UNC13C: variants seen among roughly 807,000 people sequenced by gnomAD.
UNC13C encodes the protein protein unc-13 homolog C.
UNC13C carries 174 observed loss-of-function variants against 245.4 expected under a neutral mutation model. The observed-to-expected ratio is 0.71, with a 90% CI of 0.63 to 0.80. UNC13C has a LOEUF of 0.80. Ranked by LOEUF, UNC13C falls within the 30% of genes least tolerant of loss-of-function variation. The pLI, the probability that UNC13C is intolerant of heterozygous loss-of-function variation, is 0.00. For missense variants in UNC13C, 2,829 were observed against 2,602.9 expected, an observed-to-expected ratio of 1.09 and a Z score of -1.89; for synonymous variants, 992 against 895.1, an observed-to-expected ratio of 1.11 and a Z score of -1.93.
the UNC13C span, among the ~76,000 whole-genome samples, chr15:53,873,539 T>A: frequency 6.6e-6 from 1 of 152,112 alleles, no homozygotes; most frequent in South Asian, 2.1e-4. Context: ...TCTTTTGGAT[T>A]TTTTTTCCTC....
At chr15:54,037,688 G>A (rs181966938) in intron 2 of UNC13C, among the ~76,000 whole-genome samples, 35 of 152,192 alleles carry the variant, frequency 2.3e-4, no homozygotes, top group Admixed American at 9.2e-4. Context: ...TAGAATAGTT[G>A]TCTGATTTAT....
At chr15:53,947,071 C>A in the UNC13C span, among the ~76,000 whole-genome samples, 1 of 152,064 alleles carries the variant, frequency 6.6e-6, no homozygotes, top group Non-Finnish European at 1.5e-5. Context: ...CTTTTGTTCC[C>A]AATATTTCCA....
intron 4 of UNC13C, among the ~76,000 whole-genome samples, chr15:54,168,410 T>C (rs1245743112): frequency 1.3e-5 from 2 of 152,204 alleles, no homozygotes; most frequent in Non-Finnish European, 2.9e-5. Flanking sequence ...TTAAATTTGT[T>C]GCTAGATATT....
intron 30 of UNC13C, among the ~76,000 whole-genome samples, chr15:54,596,939 A>C (rs568006070): frequency 6.6e-6 from 1 of 152,266 alleles, no homozygotes; most frequent in Non-Finnish European, 1.5e-5. Flanking sequence ...CTCTTTTCTT[A>C]ACAAGTTACC....
intron 4 of UNC13C, among the ~76,000 whole-genome samples, chr15:54,183,756 A>AG (rs1490424953): frequency 7.6e-6 from 1 of 131,046 alleles, no homozygotes; most frequent in South Asian, 2.3e-4. Flanking sequence ...ATTGTGAGAC[A>AG]GAAAAAAAAA....
intron 17 of UNC13C, among the ~76,000 whole-genome samples, chr15:54,344,367 C>T (rs979187767): frequency 6.6e-6 from 1 of 152,114 alleles, no homozygotes; most frequent in African/African-American, 2.4e-5. Context: ...AATTATGTCA[C>T]ATCAAAATAA....
chr15:54,433,573 G>T (rs976723113), intron 19 of UNC13C, among the ~76,000 whole-genome samples: 4 of 151,994 alleles, frequency 2.6e-5, no homozygotes, highest in African/African-American at 9.7e-5. Context: ...AGGTATTGAT[G>T]GAACATATCT....
intron 22 of UNC13C, 120 bp from the exon 23 acceptor site, chr15:54,506,997 G>GA (rs372527996): frequency 8.3e-6 from 5 of 599,204 alleles, no homozygotes; most frequent in Admixed American, 3.3e-5. Flanking sequence ...GTTAGAGGGA[G>GA]AAAAAAATGT....
intron 2 of UNC13C, among the ~76,000 whole-genome samples, chr15:54,045,041 G>C (rs1896973682): frequency 6.6e-6 from 1 of 151,864 alleles, no homozygotes; most frequent in Non-Finnish European, 1.5e-5. Flanking sequence ...TCATTTTCTT[G>C]ATGGCGTCCT....
chr15:54,164,767 A>G (rs571444477), intron 4 of UNC13C, among the ~76,000 whole-genome samples: 1 of 152,300 alleles, frequency 6.6e-6, no homozygotes, highest in East Asian at 1.9e-4. Flanking sequence ...TTGGCACTGA[A>G]GGACTAGCAA....
At chr15:53,868,496 T>G in the UNC13C span, among the ~76,000 whole-genome samples, 3 of 152,080 alleles carry the variant, frequency 2.0e-5, no homozygotes, top group South Asian at 6.2e-4. Flanking sequence ...AGGGGTCAGG[T>G]GAGAAGGAGA....
chr15:54,448,048 G>C (rs1052496932), intron 19 of UNC13C, among the ~76,000 whole-genome samples: 4 of 152,168 alleles, frequency 2.6e-5, no homozygotes, highest in African/African-American at 9.7e-5. Flanking sequence ...AGTCATTCAG[G>C]AGCAGGTTGT....
At chr15:54,504,657 A>G (rs1221379880) in intron 22 of UNC13C, among the ~76,000 whole-genome samples, 1 of 152,206 alleles carries the variant, frequency 6.6e-6, no homozygotes, top group Non-Finnish European at 1.5e-5. Context: ...AATACATTAC[A>G]TAAATCCGTG....
At chr15:54,305,383 T>C (rs1400065891) in intron 13 of UNC13C, among the ~76,000 whole-genome samples, 1 of 152,116 alleles carries the variant, frequency 6.6e-6, no homozygotes, top group African/African-American at 2.4e-5. Context: ...CTGAGTTCTT[T>C]TTTCAGTCAA....
intron 18 of UNC13C, among the ~76,000 whole-genome samples, chr15:54,408,214 A>AAAAAAAC (rs2040344700): frequency 6.8e-6 from 1 of 146,582 alleles, no homozygotes; most frequent in Non-Finnish European, 1.5e-5. Flanking sequence ...AAAAAAAAAA[A>AAAAAAAC]AAAAAAAAAA....
At chr15:54,589,923 T>C (rs568233064) in intron 30 of UNC13C, among the ~76,000 whole-genome samples, 97 of 152,334 alleles carry the variant, frequency 6.4e-4, no homozygotes, top group African/African-American at 2.3e-3. Context: ...TAGTTTCAGG[T>C]CTTAGGTTTA....
intron 30 of UNC13C, among the ~76,000 whole-genome samples, chr15:54,586,652 G>A (rs1337522871): frequency 6.6e-6 from 1 of 152,180 alleles, no homozygotes; most frequent in Non-Finnish European, 1.5e-5. Flanking sequence ...ATAACAAAGA[G>A]TTGAGCTTCT....
At chr15:54,246,957 T>A (rs2036008801) in intron 7 of UNC13C, among the ~76,000 whole-genome samples, 1 of 152,182 alleles carries the variant, frequency 6.6e-6, no homozygotes, top group Non-Finnish European at 1.5e-5. Flanking sequence ...AAGTCACTCA[T>A]TTTGCCAAAT....
the UNC13C span, among the ~76,000 whole-genome samples, chr15:53,916,445 A>G: frequency 6.6e-6 from 1 of 152,208 alleles, no homozygotes; most frequent in Non-Finnish European, 1.5e-5. Flanking sequence ...GAGAAGGCTG[A>G]CCTGGAATGG....
Sources: allele counts gnomAD v4.1 joint callset (sites outside exome capture counted in the v4.1 genomes callset), GRCh38; gene constraint gnomAD v4.1.1; transcripts MANE v1.5; gene names NCBI Gene and HGNC (gene_info 2026-07-23, HGNC 2026-07-21).